Variants in SYT4 observed in about 807,000 individuals in gnomAD.
SYT4 encodes synaptotagmin 4.
A neutral mutation model predicts 32.9 loss-of-function variants in SYT4; 7 were observed. The ratio of observed to expected loss-of-function variants is 0.21; its 90% CI spans 0.12 to 0.40. The LOEUF (loss-of-function observed/expected upper bound fraction) is 0.40. Ranked by LOEUF, SYT4 falls within the 10% of genes least tolerant of loss-of-function variation. The probability of loss-of-function intolerance (pLI) is 1.00; values close to 1 mark genes in which losing one functional copy is unlikely to be tolerated. For missense variants in SYT4, 480 were observed against 488.0 expected (o/e 0.98, Z 0.16); for synonymous variants, 205 against 186.2 (o/e 1.10, Z -0.82).
At position 43,274,360 on chromosome 18, in the gene SYT4, T is replaced by G; in HGVS notation, c.69A>C (p.Ala23=). The G allele has an allele frequency of 6.2e-7, 1 of 1,608,402 alleles. No homozygotes were observed. Among genetic ancestry groups the G allele is most frequent in the Non-Finnish European group, 8.5e-7 (1 of 1,179,036 alleles). Residue 23 remains alanine, a synonymous_variant, in exon 2 of 4, where the codon GCA becomes GCC. Transcript: ENST00000255224. Reference sequence around the variant, plus strand: ...GAGAGACTGTGAAGACCAGGCCAAATGCACTGAAGATCCCCACCACTGTGG... The same window carrying G: ...GAGAGACTGTGAAGACCAGGCCAAAGGCACTGAAGATCCCCACCACTGTGG... ...EIPTVVGIFS[A]FGLVFTVSLF...
chr18:43,273,538 A>C (rs1053806783), intron 2 of SYT4, 42 bp downstream of exon 2: 3 of 1,423,566 alleles, frequency 2.1e-6, no homozygotes, highest in Non-Finnish European at 2.8e-6. Flanking sequence ...ATGCTACATA[A>C]AAGATTGTTT....
chr18:43,271,657 A>G, intron 3 of SYT4, 55 bp downstream of exon 3: 1 of 1,603,318 alleles, frequency 6.2e-7, no homozygotes, highest in Non-Finnish European at 8.5e-7. Flanking sequence ...GCTCATTTGC[A>G]GTCAAATACA....
In SYT4 at chr18:43,270,470, G is replaced by A. The variant is rs1489254774; in HGVS notation, c.1149C>T (p.Ser383=). 1 of 1,613,958 alleles carries A rather than the reference G, an allele frequency of 6.2e-7. No individual in the cohort carries two copies. The highest frequency in any genetic ancestry group is 8.5e-7 in the Non-Finnish European group (1 of 1,179,966). Residue 383 remains serine (S), a synonymous_variant, in exon 4 of 4, where the codon TCC becomes TCT. Transcript: ENST00000255224. ...CTAACTGCCCGATTACCTCATTTCG[G>A]GACCCCCTTTCAGAATCCAAAACCA... ...EFLVLDSERG[S]RNEVIGQLVL...
rs966803459 is a variant in SYT4 at position 43,268,433 on chromosome 18, G to A, written c.*1908C>T. ...TGTTAAAAAAAAAAAAATCGGCCTC[G>A]TCCAACAACCATACCTCAGCTGCTA... On this transcript the variant is annotated 3_prime_UTR_variant, in exon 4 of 4. Coordinates refer to ENST00000255224, the MANE Select transcript of SYT4 (RefSeq NM_020783.4). 1 of 150,628 alleles carries A rather than the reference G, an allele frequency of 6.6e-6. No homozygotes were observed. The highest frequency in any genetic ancestry group is 2.1e-4 in the South Asian group (1 of 4,796). The allele number at this position is 150,628 out of a possible 1,614,324, so 9.3% of individuals were successfully genotyped here. A position where few individuals can be genotyped will look rare whatever the true frequency, so the allele number is the denominator to read the frequency against.
At chr18:43,272,692 G>C (rs1343101007) in intron 2 of SYT4, among the ~76,000 whole-genome samples, 1 of 152,108 alleles carries the variant, frequency 6.6e-6, no homozygotes, top group South Asian at 2.1e-4. Context: ...ACTCTAAGGA[G>C]AATAAGAGTA....
chr18:43,270,485 A>G lies in SYT4; in HGVS notation c.1134T>C (p.Asp378=). 6.2e-7 allele frequency: 1 copy of G among 1,614,082 alleles called. No individual in the cohort carries two copies. Among genetic ancestry groups the G allele is most frequent in the Non-Finnish European group, 8.5e-7 (1 of 1,179,972 alleles). ...CCTCATTTCGGGACCCCCTTTCAGA[A>G]TCCAAAACCAAAAATTCAACACTTA... ...EDISVEFLVL[D]SERGSRNEVI... is the part of the protein sequence containing the mutation. Residue 378 remains aspartate, a synonymous_variant, in exon 4 of 4, where the codon GAT becomes GAC. Transcript: ENST00000255224.
chr18:43,271,087 TTA>T (rs1393098475), intron 3 of SYT4, among the ~76,000 whole-genome samples: 1 of 152,140 alleles, frequency 6.6e-6, no homozygotes, highest in Non-Finnish European at 1.5e-5. Flanking sequence ...GAATGAGGAT[TTA>T]GAGTCCACAA....
chr18:43,274,465 T>C (rs1254157938), intron 1 of SYT4, 71 bp from the exon 2 acceptor site: 1 of 1,243,880 alleles, frequency 8.0e-7, no homozygotes, highest in Admixed American at 2.6e-5. Flanking sequence ...TTGAAAAGCC[T>C]AATAGAGCTA....
At position 43,274,020 on chromosome 18, in the gene SYT4, C is replaced by G; in HGVS notation, c.409G>C (p.Glu137Gln). 1.2e-6 allele frequency: 2 copies of G among 1,613,898 alleles called. No homozygotes were observed. The highest frequency in any genetic ancestry group is 4.5e-5 in the East Asian group (2 of 44,828). ...LEGEKESVSP[E>Q]SLKSSTSLTS... ...AGGGAAGTGCTGGACTTTAAACTCTCAGGGGAAACTGACTCTTTTTCCCCT... is the reference window on the plus strand; with the variant it reads ...AGGGAAGTGCTGGACTTTAAACTCTGAGGGGAAACTGACTCTTTTTCCCCT... Residue 137 changes from glutamate to glutamine, a missense_variant, in exon 2 of 4, where the codon GAG becomes CAG. Coordinates refer to ENST00000255224, the MANE Select transcript of SYT4 (RefSeq NM_020783.4).
chr18:43,274,680 A>C (rs779921637), intron 1 of SYT4, among the ~76,000 whole-genome samples: 1 of 152,202 alleles, frequency 6.6e-6, no homozygotes, highest in Non-Finnish European at 1.5e-5. Flanking sequence ...GGGAATGCTT[A>C]ATGACTCTGA....
Position 43,270,372 on chromosome 18 carries a change from A to G in SYT4, c.1247T>C (p.Ile416Thr), listed in dbSNP as rs199742249. 3 of 1,614,016 alleles carry G rather than the reference A, an allele frequency of 1.9e-6. No homozygotes were observed. The highest frequency in any genetic ancestry group is 1.7e-6 in the Non-Finnish European group (2 of 1,179,926). ...ATCACAGAGCACGTGCCACTTGGCA[A>G]TTTGTCTCCTGGGGTAGTCACAGAT... ...KEICDYPRRQ[I>T]AKWHVLCDG is the part of the protein sequence containing the mutation. Residue 416 changes from isoleucine to threonine, a missense_variant, in exon 4 of 4, where the codon ATT becomes ACT. By Grantham distance (89) the Ile-to-Thr change is moderately conservative. Transcript: ENST00000255224.
At chr18:43,274,443 G>T in intron 1 of SYT4, 49 bp from the exon 2 acceptor site, 1 of 1,448,684 alleles carries the variant, frequency 6.9e-7, no homozygotes, top group Non-Finnish European at 9.2e-7. Context: ...CAGAGCTGGA[G>T]ATATGAGCCT....
chr18:43,268,771 C>T lies in SYT4; in HGVS notation c.*1570G>A, dbSNP rs985640627. The T allele has an allele frequency of 3.3e-5, 5 of 152,552 alleles. No individual in the cohort carries two copies. The highest frequency in any genetic ancestry group is 3.3e-4 in the Admixed American group (5 of 15,266). The allele number at this position is 152,552 out of a possible 1,614,324, so 9.4% of individuals were successfully genotyped here. On this transcript the variant is annotated 3_prime_UTR_variant, in exon 4 of 4. Transcript: ENST00000255224. The stretch of plus-strand genomic sequence containing the variant: ...GGTTGATTTTTAATCTTTGTACATA[C>T]AGAATGTAATACATTTTCTTTACAT...
Position 43,270,555 on chromosome 18 carries a change from T to C in SYT4, c.1064A>G (p.Asn355Ser). The change falls in exon 4 of 4, where the codon AAT becomes AGT. Residue 355 changes from asparagine (N) to serine (S), a missense_variant. By Grantham distance (46) the Asn-to-Ser change is conservative (BLOSUM62 1). Transcript: ENST00000255224. The stretch of plus-strand genomic sequence containing the variant: ...AGGAATATCAAAGACAAACAGCTCA[T>C]TGAACACTGCATTGGGGGTGCATTT... Reference protein sequence around the residue: ...VKKCTPNAVFNELFVFDIPCE... With the variant: ...VKKCTPNAVFSELFVFDIPCE... 1 of 1,614,092 alleles carries C rather than the reference T, an allele frequency of 6.2e-7. No homozygotes were observed. The highest frequency in any genetic ancestry group is 8.5e-7 in the Non-Finnish European group (1 of 1,179,978).
chr18:43,269,994 T>A lies in SYT4; in HGVS notation c.*347A>T, dbSNP rs1191247225. On this transcript the variant is annotated 3_prime_UTR_variant, in exon 4 of 4. Coordinates refer to ENST00000255224, the MANE Select transcript of SYT4 (RefSeq NM_020783.4). ...CATACTTTTCGTTTTTAAATCTTAA[T>A]CACATTAACTTTTTGTGACATGTTC... The A allele has an allele frequency of 1.1e-4, 22 of 205,334 alleles. No homozygotes were observed. Among genetic ancestry groups the A allele is most frequent in the Non-Finnish European group, 1.7e-4 (17 of 101,778 alleles). The allele number at this position is 205,334 out of a possible 1,614,324, so 12.7% of individuals were successfully genotyped here. A position where few individuals can be genotyped will look rare whatever the true frequency, so the allele number is the denominator to read the frequency against.
At position 43,270,178 on chromosome 18, in the gene SYT4, C is replaced by A; in HGVS notation, c.*163G>T. 1.4e-6 allele frequency: 1 copy of A among 716,874 alleles called. No homozygotes were observed. The highest frequency in any genetic ancestry group is 2.4e-6 in the Non-Finnish European group (1 of 424,266). The allele number at this position is 716,874 out of a possible 1,614,324, so 44.4% of individuals were successfully genotyped here. ...TAAATAGGGAAATTATCATAATACA[C>A]ATTTGAAGTTACTTTCTGGTCTACT... On this transcript the variant is annotated 3_prime_UTR_variant, in exon 4 of 4. Coordinates refer to ENST00000255224, the MANE Select transcript of SYT4 (RefSeq NM_020783.4).
chr18:43,272,051 G>T lies in SYT4; in HGVS notation c.850-219C>A, dbSNP rs1395373764. Reference sequence around the variant, plus strand: ...CTTGTGGTCTTGTTTGGTACTACAGGAAGTTAAAATTGGCAATAAATTGGC... The same window carrying T: ...CTTGTGGTCTTGTTTGGTACTACAGTAAGTTAAAATTGGCAATAAATTGGC... On this transcript the variant is annotated intron_variant, in intron 2 of 3. Transcript: ENST00000255224. 6 of 324,952 alleles carry T rather than the reference G, an allele frequency of 1.8e-5. No individual in the cohort carries two copies. The East Asian group carries it at 3.7e-4, about 20-fold the overall frequency. 20.1% of individuals were successfully genotyped at this position (324,952 alleles called of 1,614,324 possible).
chr18:43,273,153 T>A (rs1332778223), intron 2 of SYT4, among the ~76,000 whole-genome samples: 2 of 151,962 alleles, frequency 1.3e-5, no homozygotes, highest in African/African-American at 4.8e-5. Flanking sequence ...TCAATACAAT[T>A]TCCAAATCTT....
intron 1 of SYT4, among the ~76,000 whole-genome samples, chr18:43,276,372 T>G (rs1389062547): frequency 6.6e-6 from 1 of 152,198 alleles, no homozygotes; most frequent in Non-Finnish European, 1.5e-5. Flanking sequence ...TAGATATCAC[T>G]CCTCTTCACA....
Sources: gnomAD v4.1 joint callset for allele counts (sites outside exome capture counted in the v4.1 genomes callset) on GRCh38, gnomAD v4.1.1 for gene constraint, MANE v1.5 for transcripts, NCBI Gene and HGNC (gene_info 2026-07-23, HGNC 2026-07-21) for gene names.